The following CMYA5 variants were observed in gnomAD, a reference collection of about 807,000 sequenced individuals.
CMYA5 encodes the protein cardiomyopathy associated 5.
A neutral mutation model predicts 318.9 loss-of-function variants in CMYA5; 246 were observed. The ratio of observed to expected loss-of-function variants is 0.77; its 90% CI spans 0.70 to 0.86. The LOEUF (loss-of-function observed/expected upper bound fraction) is 0.86. Ranked by LOEUF, CMYA5 falls within the 40% of genes least tolerant of loss-of-function variation. The pLI is 0.00. For missense variants in CMYA5, 4,589 were observed against 4,678.2 expected (o/e 0.98, Z 0.56); for synonymous variants, 1,641 against 1,729.5 (o/e 0.95, Z 1.27).
At position 79,793,599 on chromosome 5, in the gene CMYA5, T is replaced by C; in HGVS notation, c.11952T>C (p.Ser3984=). 5.0e-6 allele frequency: 8 copies of C among 1,597,778 alleles called. No homozygotes were observed. Among genetic ancestry groups the C allele is most frequent in the Non-Finnish European group, 6.9e-6 (8 of 1,166,790 alleles). ...AGACCTCATGGTACATGCACTGCTC[T>C]GAGCCACAGAGGTAAGCGAGCCCTT... ...QGETSWYMHC[S]EPQRYTFFYS... The change falls in exon 12 of 13, where the codon TCT becomes TCC. Residue 3984 remains serine, a synonymous_variant. Coordinates refer to ENST00000446378, the MANE Select transcript of CMYA5 (RefSeq NM_153610.5).
At chr5:79,778,023 G>A (rs1288221291) in intron 9 of CMYA5, 1 of 152,250 alleles carries the variant, frequency 6.6e-6, no homozygotes, top group Non-Finnish European at 1.5e-5. Context: ...AGGAGGCTGA[G>A]GCAGGAGAAT....
intron 9 of CMYA5, among the ~76,000 whole-genome samples, chr5:79,787,413 A>C (rs1002248383): frequency 7.2e-5 from 11 of 152,228 alleles, no homozygotes; most frequent in Non-Finnish European, 1.5e-4. Context: ...TCAGTCATCA[A>C]TTCCAATAAG....
chr5:79,750,436 C>T (rs1828408735), intron 5 of CMYA5, among the ~76,000 whole-genome samples: 1 of 152,152 alleles, frequency 6.6e-6, no homozygotes. Context: ...CTATTAGTAG[C>T]TAAGTTTTTG....
chr5:79,712,405 G>T (rs1308488700), intron 1 of CMYA5, among the ~76,000 whole-genome samples: 1 of 151,942 alleles, frequency 6.6e-6, no homozygotes, highest in South Asian at 2.1e-4. Context: ...TATAGATGGG[G>T]TATCACCATG....
intron 9 of CMYA5, 85 bp downstream of exon 9, chr5:79,763,294 C>T (rs1224781006): frequency 8.2e-7 from 1 of 1,224,914 alleles, no homozygotes; most frequent in Middle Eastern, 2.0e-4. Flanking sequence ...CTTCTGCTCA[C>T]CAAGGGAGAA....
intron 6 of CMYA5, among the ~76,000 whole-genome samples, chr5:79,757,459 C>T (rs975664486): frequency 6.6e-6 from 1 of 152,078 alleles, no homozygotes; most frequent in South Asian, 2.1e-4. Context: ...TATGCTGAAT[C>T]AGTAGGCTAC....
chr5:79,697,986 G>A (rs556913903), intron 1 of CMYA5, among the ~76,000 whole-genome samples: 1 of 152,092 alleles, frequency 6.6e-6, no homozygotes, highest in Non-Finnish European at 1.5e-5. Flanking sequence ...TTGCATTTTC[G>A]TAAGGCCAAA....
intron 6 of CMYA5, among the ~76,000 whole-genome samples, chr5:79,758,373 A>AATACAAAAAT (rs1391972311): frequency 6.6e-5 from 10 of 151,556 alleles, no homozygotes; most frequent in African/African-American, 9.7e-5. Flanking sequence ...CTCTACTAAA[A>AATACAAAAAT]ATACAAAAAT....
Position 79,777,680 on chromosome 5 carries a change from CAGG to C in CMYA5, c.11556-11288_11556-11286del, listed in dbSNP as rs1828962665. Among the ~76,000 whole-genome samples, 5 of 152,106 alleles carry C rather than the reference CAGG, an allele frequency of 3.3e-5. No homozygotes were observed. In the South Asian group the frequency reaches 8.3e-4, roughly 25 times the overall value. ...ATCCCAGCTACTTGGGAGGCTGAGG[CAGG>C]AGAATTGTTTGAACTCAGGAGGCGG... On this transcript the variant is annotated intron_variant, in intron 9 of 12. Transcript: ENST00000446378.
chr5:79,762,062 G>C, intron 8 of CMYA5, 105 bp downstream of exon 8: 2 of 1,299,126 alleles, frequency 1.5e-6, no homozygotes, highest in Non-Finnish European at 2.1e-6. Context: ...TGTGTGTTGA[G>C]TGTTGTGCAA....
Position 79,800,018 on chromosome 5 carries a change from C to T in CMYA5, c.*402C>T, listed in dbSNP as rs766518360. The T allele has an allele frequency of 1.4e-4, 22 of 159,814 alleles. No individual in the cohort carries two copies. Among genetic ancestry groups the T allele is most frequent in the Non-Finnish European group, 2.3e-4 (17 of 72,514 alleles). The allele number at this position is 159,814 out of a possible 1,614,324, so 9.9% of individuals were successfully genotyped here. Reference sequence around the variant, plus strand: ...CTGACGAAGAGCCATGGATGCTTTCCACAAAATGTCACCTCGCTGCACTAA... The same window carrying T: ...CTGACGAAGAGCCATGGATGCTTTCTACAAAATGTCACCTCGCTGCACTAA... On this transcript the variant is annotated 3_prime_UTR_variant, in exon 13 of 13. Transcript: ENST00000446378.
chr5:79,799,451 C>T lies in CMYA5; in HGVS notation c.12045C>T (p.Tyr4015=). 6.2e-7 allele frequency: 1 copy of T among 1,613,990 alleles called. No homozygotes were observed. Among genetic ancestry groups the T allele is most frequent in the African/African-American group, 1.3e-5 (1 of 75,054 alleles). Residue 4015 remains tyrosine (Y), a synonymous_variant, in exon 13 of 13, where the codon TAC becomes TAT. Transcript: ENST00000446378. ...CCAGAGTGGGCATCCTGCTGGACTACAACAACCAGAGACTTATCTTCATCA... is the reference window on the plus strand; with the variant it reads ...CCAGAGTGGGCATCCTGCTGGACTATAACAACCAGAGACTTATCTTCATCA... ...RPARVGILLD[Y]NNQRLIFINA...
At chr5:79,696,903 A>C (rs1287493824) in intron 1 of CMYA5, among the ~76,000 whole-genome samples, 1 of 152,116 alleles carries the variant, frequency 6.6e-6, no homozygotes, top group Admixed American at 6.5e-5. Flanking sequence ...GCTACTTGGG[A>C]GGCTGAGGCA....
chr5:79,731,093 AC>A lies in CMYA5; in HGVS notation c.2329del (p.His777ThrfsTer10). 1.9e-6 allele frequency: 3 copies of A among 1,614,010 alleles called. No individual in the cohort carries two copies. Among genetic ancestry groups the A allele is most frequent in the Non-Finnish European group, 1.7e-6 (2 of 1,179,898 alleles). On this transcript the variant is annotated frameshift_variant, in exon 2 of 13. Transcript: ENST00000446378. LOFTEE classifies it high-confidence loss of function. Reference sequence around the variant, plus strand: ...CACTGCCTTCTACTGCCACATCAGAACACGTGGTCCCATCAGAAGGAGAGGA... The same window carrying A: ...CACTGCCTTCTACTGCCACATCAGAAACGTGGTCCCATCAGAAGGAGAGGA... ...SPLPSTATSE[H>X]VVPSEGEDLG...
In CMYA5 at chr5:79,738,941, A is replaced by G; in HGVS notation, c.10176A>G (p.Gln3392=). ...TTGCATCTGGTGCAACTCATGTTCA[A>G]GAAACATCACTAGAAGAACCTAAAA... ...EEFASGATHV[Q]ETSLEEPKIL... is the part of the protein sequence containing the mutation. The change falls in exon 2 of 13, where the codon CAA becomes CAG. Residue 3392 remains glutamine (Q), a synonymous_variant. Coordinates refer to ENST00000446378, the MANE Select transcript of CMYA5 (RefSeq NM_153610.5). 3 of 1,613,940 alleles carry G rather than the reference A, an allele frequency of 1.9e-6. No homozygotes were observed. In the East Asian group the frequency reaches 6.7e-5, roughly 36 times the overall value.
rs977845009 is a variant in CMYA5 at position 79,735,534 on chromosome 5, G to T, written c.6769G>T (p.Gly2257Cys). 6.2e-7 allele frequency: 1 copy of T among 1,612,852 alleles called. No homozygotes were observed. The highest frequency in any genetic ancestry group is 1.3e-5 in the African/African-American group (1 of 74,898). ...DEPRGTLVKS[G>C]DGQNVKEKSM... ...ACCCAGAGGTACTTTAGTAAAATCTGGTGACGGTCAAAACGTTAAAGAAAA... is the reference window on the plus strand; with the variant it reads ...ACCCAGAGGTACTTTAGTAAAATCTTGTGACGGTCAAAACGTTAAAGAAAA... Residue 2257 changes from glycine to cysteine, a missense_variant, in exon 2 of 13, where the codon GGT (glycine) becomes TGT (cysteine). By Grantham distance (159) the Gly-to-Cys change is radical (BLOSUM62 -3). This residue lies in a region of CMYA5 where 2,431 missense variants were observed against 2,495.1 expected (regional missense o/e 0.97). Coordinates refer to ENST00000446378, the MANE Select transcript of CMYA5 (RefSeq NM_153610.5).
At chr5:79,793,708 T>C (rs1416900088) in intron 12 of CMYA5, 98 bp downstream of exon 12, 1 of 1,076,038 alleles carries the variant, frequency 9.3e-7, no homozygotes. Context: ...CCCACTTCCA[T>C]GCTCAACTTC....
intron 2 of CMYA5, among the ~76,000 whole-genome samples, chr5:79,742,107 T>C (rs1341112275): frequency 2.9e-5 from 3 of 105,212 alleles, no homozygotes; most frequent in African/African-American, 4.4e-5. Context: ...TCTTTCTTCT[T>C]CTCTTCTTCT....
At position 79,791,060 on chromosome 5, in the gene CMYA5, G is replaced by T. The variant is rs1129770; in HGVS notation, c.11780G>T (p.Arg3927Leu). The change falls in exon 11 of 13, where the codon CGG becomes CTG. Residue 3927 changes from arginine (R) to leucine (L), a missense_variant. Physicochemically the swap from Arg to Leu is moderately radical, Grantham distance 102 (BLOSUM62 -2). Around this residue, in one of 3 missense-constraint regions of CMYA5, gnomAD observed 2,431 missense variants for 2,495.1 expected, o/e 0.97. Transcript: ENST00000446378. Reference sequence around the variant, plus strand: ...GTGATCAGCTTTGGTGAGAGGAGACGGCTGACGGAGTAAGTAGAAGAAGAA... The same window carrying T: ...GTGATCAGCTTTGGTGAGAGGAGACTGCTGACGGAGTAAGTAGAAGAAGAA... ...GTVISFGERRRLTEIPSVLGE... is the reference protein window; with the variant it reads ...GTVISFGERRLLTEIPSVLGE... 6.2e-7 allele frequency: 1 copy of T among 1,611,510 alleles called. No individual in the cohort carries two copies. Among genetic ancestry groups the T allele is most frequent in the Non-Finnish European group, 8.5e-7 (1 of 1,178,052 alleles).
Sources: allele counts gnomAD v4.1 joint callset (sites outside exome capture counted in the v4.1 genomes callset), GRCh38; gene constraint gnomAD v4.1.1; regional missense constraint gnomAD v4.1.1; transcripts MANE v1.5; gene names NCBI Gene and HGNC (gene_info 2026-07-23, HGNC 2026-07-21).